The following SOCS7 variants were observed in gnomAD, a reference collection of about 807,000 sequenced individuals.
SOCS7 encodes the protein NAP-4.
SOCS7 carries 18 observed loss-of-function variants against 58.9 expected under a neutral mutation model. The ratio of observed to expected loss-of-function variants is 0.31; its 90% CI spans 0.21 to 0.45. The LOEUF (loss-of-function observed/expected upper bound fraction) is 0.45. Ranked by LOEUF, SOCS7 falls within the 20% of genes least tolerant of loss-of-function variation. The pLI, the probability that SOCS7 is intolerant of heterozygous loss-of-function variation, is 1.00. For missense variants in SOCS7, 667 were observed against 837.3 expected, an observed-to-expected ratio of 0.80 and a Z score of 2.51; for synonymous variants, 388 against 364.3, an observed-to-expected ratio of 1.06 and a Z score of -0.74.
intron 7 of SOCS7, among the ~76,000 whole-genome samples, chr17:38,392,014 G>A (rs2038178628): frequency 6.6e-6 from 1 of 152,170 alleles, no homozygotes; most frequent in South Asian, 2.1e-4. Flanking sequence ...CTGGCATGAG[G>A]ACTGGAAGAA....
rs587720972 is a variant in SOCS7 at position 38,361,890 on chromosome 17, C to T, written c.1045+115C>T. 1.4e-5 allele frequency: 10 copies of T among 730,166 alleles called. No homozygotes were observed. In the African/African-American group the frequency reaches 1.6e-4, roughly 12 times the overall value. The allele number at this position is 730,166 out of a possible 1,614,324, so 45.2% of individuals were successfully genotyped here. A position where few individuals can be genotyped will look rare whatever the true frequency, so the allele number is the denominator to read the frequency against. On this transcript the variant is annotated intron_variant, in intron 2 of 9. Coordinates refer to ENST00000612932, the MANE Select transcript of SOCS7 (RefSeq NM_014598.4). Reference sequence around the variant, plus strand: ...GCTGTAGGCGTGTCTGCAGTTATTTCCTTCATTCCATGCTTAGTGGGTTTG... The same window carrying T: ...GCTGTAGGCGTGTCTGCAGTTATTTTCTTCATTCCATGCTTAGTGGGTTTG...
intron 1 of SOCS7, among the ~76,000 whole-genome samples, chr17:38,357,522 T>G (rs2037656859): frequency 6.6e-6 from 1 of 152,242 alleles, no homozygotes; most frequent in Non-Finnish European, 1.5e-5. Context: ...CCTCTTGGCT[T>G]TTCCCTGGAA....
intron 3 of SOCS7, 55 bp downstream of exon 3, chr17:38,364,911 G>T: frequency 7.2e-7 from 1 of 1,392,164 alleles, no homozygotes; most frequent in Non-Finnish European, 1.0e-6. Context: ...GAGCTCCAGG[G>T]ACTTGTTCTT....
rs192200329 is a variant in SOCS7 at position 38,391,255 on chromosome 17, C to T, written c.1682-4054C>T. Among the ~76,000 whole-genome samples, 786 of 152,162 alleles carry T rather than the reference C, an allele frequency of 5.2e-3. 6 individuals are homozygous for T. Among genetic ancestry groups the T allele is most frequent in the African/African-American group, 0.018 (759 of 41,510 alleles). On this transcript the variant is annotated intron_variant, in intron 7 of 9. Transcript: ENST00000612932. ...TGTGGTAAAAAGGTCAAATAGTGCGCAAGGGAATATAAGGAAAAGTGAATC... is the reference window on the plus strand; with the variant it reads ...TGTGGTAAAAAGGTCAAATAGTGCGTAAGGGAATATAAGGAAAAGTGAATC...
chr17:38,381,127 G>A (rs2037995425), intron 7 of SOCS7, among the ~76,000 whole-genome samples: 1 of 152,090 alleles, frequency 6.6e-6, no homozygotes, highest in African/African-American at 2.4e-5. Flanking sequence ...GTAGAACCAT[G>A]TTTACTGGGG....
At chr17:38,382,581 C>T (rs1486803333) in intron 7 of SOCS7, among the ~76,000 whole-genome samples, 4 of 152,042 alleles carry the variant, frequency 2.6e-5, no homozygotes, top group Non-Finnish European at 4.4e-5. Flanking sequence ...CTCCGCCTCC[C>T]GAGTTCAAAC....
At position 38,401,105 on chromosome 17, in the gene SOCS7, C is replaced by T. The variant is rs1016828073; in HGVS notation, c.*1623C>T. 6.6e-6 allele frequency: 1 copy of T among 152,184 alleles called. No homozygotes were observed. 9.4% of individuals were successfully genotyped at this position (152,184 alleles called of 1,614,324 possible). The stretch of plus-strand genomic sequence containing the variant: ...CTGCCTCATCTGGGAGCATTGCCTT[C>T]TTCCTTAGTCCCACGTGGAGTGACC... On this transcript the variant is annotated 3_prime_UTR_variant, in exon 10 of 10. Transcript: ENST00000612932.
chr17:38,367,525 C>T (rs1033536134), intron 5 of SOCS7, among the ~76,000 whole-genome samples: 11 of 151,910 alleles, frequency 7.2e-5, no homozygotes, highest in Non-Finnish European at 1.0e-4. Flanking sequence ...AGGCATGTGC[C>T]ACCAAACCCA....
rs1444879856 is a variant in SOCS7, at chr17:38,395,328, C to T, written c.1701C>T (p.Val567=). ...SRVPGLPPTP[V]QLLYPVSRFS... ...TTGAAGGACTGCCACCAACTCCTGT[C>T]CAGCTGCTCTATCCAGTGTCCCGAT... The change falls in exon 8 of 10, where the codon GTC becomes GTT. Residue 567 remains valine (V), a synonymous_variant. Transcript: ENST00000612932. The T allele has an allele frequency of 4.3e-6, 7 of 1,614,090 alleles. No individual in the cohort carries two copies. Among genetic ancestry groups the T allele is most frequent in the Non-Finnish European group, 5.9e-6 (7 of 1,179,970 alleles).
At chr17:38,387,131 A>ATATATG (rs1163854242) in intron 7 of SOCS7, among the ~76,000 whole-genome samples, 11 of 87,884 alleles carry the variant, frequency 1.3e-4, no homozygotes, top group African/African-American at 6.4e-4. Context: ...ATATATATGT[A>ATATATG]TGTATATATA....
At chr17:38,368,492 T>C (rs928685653) in intron 6 of SOCS7, among the ~76,000 whole-genome samples, 2 of 150,164 alleles carry the variant, frequency 1.3e-5, no homozygotes, top group African/African-American at 5.0e-5. Flanking sequence ...AACTGTTCTG[T>C]TCTGAATTTC....
In SOCS7 at chr17:38,399,870, C is replaced by G. The variant is rs56259056; in HGVS notation, c.*388C>G. The G allele has an allele frequency of 6.6e-6, 1 of 152,240 alleles. No homozygotes were observed. Among genetic ancestry groups the G allele is most frequent in the African/African-American group, 2.4e-5 (1 of 41,380 alleles). 9.4% of individuals were successfully genotyped at this position (152,240 alleles called of 1,614,324 possible). A position where few individuals can be genotyped will look rare whatever the true frequency, so the allele number is the denominator to read the frequency against. On this transcript the variant is annotated 3_prime_UTR_variant, in exon 10 of 10. Transcript: ENST00000612932. ...AAAGTGGTGCGAAGGGTGAGCAGGT[C>G]CAAAGAAGGGGTGGGAGGAGGGAAC...
rs2144331959 is a variant in SOCS7, at chr17:38,364,818, C to G, written c.1112C>G (p.Thr371Ser). ...QRGLTSPHPPTPPPPPRRSLS... is the reference protein window; with the variant it reads ...QRGLTSPHPPSPPPPPRRSLS... ...GGCCTGACCTCTCCACACCCTCCAACTCCCCCTCCTCCTCCGAGAAGAAGC... is the reference window on the plus strand; with the variant it reads ...GGCCTGACCTCTCCACACCCTCCAAGTCCCCCTCCTCCTCCGAGAAGAAGC... Residue 371 changes from threonine (T) to serine (S), a missense_variant, in exon 3 of 10, where the codon ACT (threonine) becomes AGT (serine). Physicochemically the swap from Thr to Ser is moderately conservative, Grantham distance 58 (BLOSUM62 1). Coordinates refer to ENST00000612932, the MANE Select transcript of SOCS7 (RefSeq NM_014598.4). The G allele has an allele frequency of 6.2e-7, 1 of 1,614,074 alleles. No homozygotes were observed. Among genetic ancestry groups the G allele is most frequent in the East Asian group, 2.2e-5 (1 of 44,876 alleles).
chr17:38,358,063 G>A (rs2037663499), intron 1 of SOCS7, among the ~76,000 whole-genome samples: 1 of 152,150 alleles, frequency 6.6e-6, no homozygotes, highest in Non-Finnish European at 1.5e-5. Context: ...TGACACAAAG[G>A]ACTGCTGGCC....
In SOCS7 at chr17:38,366,363, C is replaced by G; in HGVS notation, c.1329C>G (p.Pro443=). The change falls in exon 5 of 10, where the codon CCC becomes CCG. Residue 443 remains proline, a synonymous_variant. Coordinates refer to ENST00000612932, the MANE Select transcript of SOCS7 (RefSeq NM_014598.4). ...AACCCCCACAGCACCTCCAGTGTCC[C>G]CTCTACCGGCCTGACTCGAGCAGCT... ...HSQPPQHLQC[P]LYRPDSSSFA... 6.2e-7 allele frequency: 1 copy of G among 1,614,218 alleles called. No homozygotes were observed. Among genetic ancestry groups the G allele is most frequent in the Non-Finnish European group, 8.5e-7 (1 of 1,180,038 alleles).
At chr17:38,355,594 T>G (rs587756040) in intron 1 of SOCS7, among the ~76,000 whole-genome samples, 1 of 152,314 alleles carries the variant, frequency 6.6e-6, no homozygotes, top group East Asian at 1.9e-4. Context: ...GGTGAGAAAT[T>G]TCAGTCTTTT....
At chr17:38,373,742 C>T (rs2037896551) in intron 6 of SOCS7, among the ~76,000 whole-genome samples, 1 of 152,224 alleles carries the variant, frequency 6.6e-6, no homozygotes, top group Non-Finnish European at 1.5e-5. Context: ...CAGTTCAACA[C>T]TGAAGGTGTC....
chr17:38,391,258 G>A (rs1242025082), intron 7 of SOCS7, among the ~76,000 whole-genome samples: 1 of 152,270 alleles, frequency 6.6e-6, no homozygotes, highest in Non-Finnish European at 1.5e-5. Flanking sequence ...TAGTGCGCAA[G>A]GGAATATAAG....
chr17:38,367,400 G>A (rs1418760052), intron 5 of SOCS7, among the ~76,000 whole-genome samples: 2 of 148,344 alleles, frequency 1.3e-5, no homozygotes, highest in East Asian at 4.0e-4. Context: ...TTGACACAGA[G>A]TCTCACTGTG....
Sources: allele counts gnomAD v4.1 joint callset (sites outside exome capture counted in the v4.1 genomes callset), GRCh38; gene constraint gnomAD v4.1.1; transcripts MANE v1.5; gene names NCBI Gene and HGNC (gene_info 2026-07-23, HGNC 2026-07-21).